Variants in ARHGAP26 observed in about 807,000 individuals in gnomAD.
ARHGAP26 encodes the protein rho GTPase-activating protein 26.
ARHGAP26 carries 38 observed loss-of-function variants against 104.8 expected under a neutral mutation model. The observed-to-expected ratio is 0.36, with a 90% CI of 0.28 to 0.48. The LOEUF (loss-of-function observed/expected upper bound fraction) is 0.48. ARHGAP26 is among the 20% of genes least tolerant of loss of function. The probability of loss-of-function intolerance (pLI) is 0.99; values close to 1 mark genes in which losing one functional copy is unlikely to be tolerated. For synonymous variants in ARHGAP26, 341 were observed against 340.0 expected (o/e 1.00, Z -0.03); for missense variants, 704 against 947.9 (o/e 0.74, Z 3.38).
chr5:143,088,679 A>G (rs1046166399), intron 17 of ARHGAP26, among the ~76,000 whole-genome samples: 3 of 152,216 alleles, frequency 2.0e-5, no homozygotes, highest in African/African-American at 4.8e-5. Context: ...AGTTACTTCT[A>G]TAGAAGGCTG....
At chr5:143,173,632 G>A (rs188622475) in intron 20 of ARHGAP26, among the ~76,000 whole-genome samples, 50 of 152,180 alleles carry the variant, frequency 3.3e-4, no homozygotes, top group African/African-American at 9.6e-4. Context: ...CATTTTTGCC[G>A]GTAGCAGCCT....
At chr5:143,126,938 T>A (rs1482920331) in intron 18 of ARHGAP26, among the ~76,000 whole-genome samples, 1 of 152,150 alleles carries the variant, frequency 6.6e-6, no homozygotes, top group Non-Finnish European at 1.5e-5. Flanking sequence ...AGGCAAAAAC[T>A]TAAGGTTATG....
chr5:143,025,413 T>A (rs924048257), intron 12 of ARHGAP26, among the ~76,000 whole-genome samples: 1 of 152,204 alleles, frequency 6.6e-6, no homozygotes, highest in African/African-American at 2.4e-5. Flanking sequence ...GGCAGGAAAG[T>A]GACCTTGATG....
At chr5:142,903,241 T>C (rs908817618) in intron 7 of ARHGAP26, among the ~76,000 whole-genome samples, 6 of 152,184 alleles carry the variant, frequency 3.9e-5, no homozygotes, top group African/African-American at 1.4e-4. Flanking sequence ...GGGAGGCTTA[T>C]CGTAAAACAC....
At chr5:143,052,567 A>G (rs1393883991) in intron 14 of ARHGAP26, among the ~76,000 whole-genome samples, 2 of 152,190 alleles carry the variant, frequency 1.3e-5, no homozygotes, top group Non-Finnish European at 2.9e-5. Context: ...TCACCTGCAA[A>G]CATCATACAG....
chr5:143,176,024 G>C (rs1474457446), intron 20 of ARHGAP26, among the ~76,000 whole-genome samples: 3 of 152,270 alleles, frequency 2.0e-5, no homozygotes, highest in African/African-American at 7.2e-5. Flanking sequence ...CGAGGCATGG[G>C]AATCACTTGA....
At chr5:142,796,054 CTGTG>C (rs71890315) in intron 1 of ARHGAP26, among the ~76,000 whole-genome samples, 5,444 of 144,076 alleles carry the variant, frequency 0.038, 188 homozygotes, top group African/African-American at 0.095. Flanking sequence ...AGGTGTTTTT[CTGTG>C]TGTGTGTGTG....
intron 21 of ARHGAP26, 146 bp downstream of exon 21, chr5:143,207,454 G>T (rs781141034): frequency 6.2e-7 from 1 of 1,614,110 alleles, no homozygotes; most frequent in Non-Finnish European, 8.5e-7. Flanking sequence ...GCCAGAAGAA[G>T]CGGTACATGA....
In ARHGAP26 at chr5:143,207,185, TTA is replaced by T; in HGVS notation, c.1989-11_1989-10del. On this transcript the variant is annotated splice_polypyrimidine_tract_variant and intron_variant, in intron 20 of 22. Transcript: ENST00000645722. Reference sequence around the variant, plus strand: ...TGTGTGCTGACAAGTTTTCTGGTTGTTATGTCTTGCAGCCCCCCGAATCCAAG... The same window carrying T: ...TGTGTGCTGACAAGTTTTCTGGTTGTTGTCTTGCAGCCCCCCGAATCCAAG... 6.2e-7 allele frequency: 1 copy of T among 1,610,772 alleles called. No homozygotes were observed. Among genetic ancestry groups the T allele is most frequent in the Non-Finnish European group, 8.5e-7 (1 of 1,178,060 alleles).
At chr5:142,890,189 T>G in intron 5 of ARHGAP26, among the ~76,000 whole-genome samples, 1 of 120,650 alleles carries the variant, frequency 8.3e-6, no homozygotes, top group East Asian at 2.4e-4. Flanking sequence ...TATATATATA[T>G]ATATATATGA....
chr5:142,842,057 A>G (rs775886723), intron 1 of ARHGAP26, among the ~76,000 whole-genome samples: 2 of 152,170 alleles, frequency 1.3e-5, no homozygotes, highest in Non-Finnish European at 2.9e-5. Context: ...CAAGCCTTCA[A>G]GGGGGAAAGG....
chr5:143,036,823 T>C (rs1485750921), intron 12 of ARHGAP26, among the ~76,000 whole-genome samples: 1 of 152,240 alleles, frequency 6.6e-6, no homozygotes, highest in Non-Finnish European at 1.5e-5. Context: ...TTGTGCTTTT[T>C]GAAGGAGACC....
intron 8 of ARHGAP26, among the ~76,000 whole-genome samples, chr5:142,904,166 A>T (rs1760769437): frequency 6.6e-6 from 1 of 151,948 alleles, no homozygotes; most frequent in African/African-American, 2.4e-5. Context: ...CTTGAATTTT[A>T]TGAAAAGTAG....
chr5:143,172,447 G>A (rs987263690), intron 20 of ARHGAP26, among the ~76,000 whole-genome samples: 2 of 152,180 alleles, frequency 1.3e-5, no homozygotes, highest in African/African-American at 2.4e-5. Context: ...ATAATGGGAT[G>A]TATAGTTCAA....
chr5:143,150,273 A>G (rs966076007), intron 20 of ARHGAP26, among the ~76,000 whole-genome samples: 1 of 152,230 alleles, frequency 6.6e-6, no homozygotes, highest in Non-Finnish European at 1.5e-5. Flanking sequence ...CATGCATGCC[A>G]AGCTACCTGG....
chr5:143,101,880 A>G lies in ARHGAP26; in HGVS notation c.1539-19108A>G, dbSNP rs1182371904. ...GCTTTTTTTTTTTTTTTCTTCCATA[A>G]TGGCTTAGAGTGTGCCTTCCTTAAA... On this transcript the variant is annotated intron_variant, in intron 17 of 22. Coordinates refer to ENST00000645722, the MANE Select transcript of ARHGAP26 (RefSeq NM_001135608.3). Among the ~76,000 whole-genome samples, 4 of 150,952 alleles carry G rather than the reference A, an allele frequency of 2.6e-5. 1 individual carries two copies. Among genetic ancestry groups the G allele is most frequent in the African/African-American group, 9.8e-5 (4 of 41,014 alleles).
chr5:142,806,535 C>A (rs1763025138), intron 1 of ARHGAP26, among the ~76,000 whole-genome samples: 1 of 150,242 alleles, frequency 6.7e-6, no homozygotes. Context: ...GTTGAAATTC[C>A]CAAATCTGGG....
chr5:142,876,040 A>G (rs1419691209), intron 3 of ARHGAP26, among the ~76,000 whole-genome samples: 1 of 152,098 alleles, frequency 6.6e-6, no homozygotes, highest in Non-Finnish European at 1.5e-5. Flanking sequence ...CCCTGCCTAT[A>G]ATTTATTCTG....
chr5:142,982,358 G>A (rs1774064842), intron 11 of ARHGAP26, among the ~76,000 whole-genome samples: 1 of 152,262 alleles, frequency 6.6e-6, no homozygotes, highest in African/African-American at 2.4e-5. Context: ...ATGAATCCCA[G>A]TAGTGGAGTG....
Sources: gnomAD v4.1 joint callset for allele counts (sites outside exome capture counted in the v4.1 genomes callset) on GRCh38, gnomAD v4.1.1 for gene constraint, MANE v1.5 for transcripts, NCBI Gene and HGNC (gene_info 2026-07-23, HGNC 2026-07-21) for gene names.